The following DENND10 variants were observed in gnomAD, a reference collection of about 807,000 sequenced individuals.
DENND10 encodes the protein DENN domain containing 10.
A neutral mutation model predicts 43.6 loss-of-function variants in DENND10; 24 were observed. The observed-to-expected ratio is 0.55, with a 90% CI of 0.40 to 0.77. The LOEUF (loss-of-function observed/expected upper bound fraction) is 0.77, where lower values mean the gene tolerates loss of function less well. Ranked by LOEUF, DENND10 falls within the 30% of genes least tolerant of loss-of-function variation. DENND10 has a pLI of 0.00. For synonymous variants in DENND10, 125 were observed against 157.6 expected (o/e 0.79, Z 1.55); for missense variants, 303 against 429.9 (o/e 0.70, Z 2.61).
At chr10:119,136,070 C>G (rs1021651036) in intron 8 of DENND10, among the ~76,000 whole-genome samples, 1 of 152,070 alleles carries the variant, frequency 6.6e-6, no homozygotes, top group Non-Finnish European at 1.5e-5. Flanking sequence ...CCCAGCTACT[C>G]AGGAGGCTGA....
At chr10:119,115,405 T>TTTTTTTTTTTTTTTTTTA (rs869213007) in intron 3 of DENND10, among the ~76,000 whole-genome samples, 3 of 91,682 alleles carry the variant, frequency 3.3e-5, no homozygotes, top group Non-Finnish European at 6.8e-5. Context: ...TTTTTTTTTT[T>TTTTTTTTTTTTTTTTTTA]GAGACGGAGT....
chr10:119,108,699 G>C (rs1844823596), intron 2 of DENND10, among the ~76,000 whole-genome samples: 1 of 150,934 alleles, frequency 6.6e-6, no homozygotes, highest in Non-Finnish European at 1.5e-5. Context: ...CTGTTGGTCA[G>C]GCTGGAGTGC....
intron 3 of DENND10, among the ~76,000 whole-genome samples, chr10:119,115,768 T>TC (rs1281530209): frequency 6.7e-6 from 1 of 148,872 alleles, no homozygotes; most frequent in East Asian, 2.0e-4. Flanking sequence ...AGTGATCTTT[T>TC]TTTTTTTTTT....
rs766204030 is a variant in DENND10, at chr10:119,129,551, A to C, written c.731A>C (p.Asn244Thr). The C allele has an allele frequency of 3.1e-6, 5 of 1,613,970 alleles. No individual in the cohort carries two copies. The South Asian group carries it at 5.5e-5, about 18-fold the overall frequency. Residue 244 changes from asparagine (N) to threonine (T), a missense_variant, in exon 7 of 9, where the codon AAC becomes ACC. Transcript: ENST00000361432. The part of the protein sequence containing the change: ...VAGFVDLEVS[N>T]RPDLYDVFVN... ...GGATTTGTAGACTTGGAGGTGAGCA[A>C]CAGACCAGACCTCTATGATGTGTTT...
chr10:119,136,371 A>C, intron 8 of DENND10, 100 bp from the exon 9 acceptor site: 1 of 1,370,694 alleles, frequency 7.3e-7, no homozygotes, highest in African/African-American at 1.5e-5. Flanking sequence ...CATTTTTCAT[A>C]GTTTATAAAC....
chr10:119,112,072 G>T, intron 3 of DENND10, 144 bp downstream of exon 3: 1 of 626,614 alleles, frequency 1.6e-6, no homozygotes, highest in East Asian at 2.7e-5. Flanking sequence ...AGACTGTAAA[G>T]ACGGCCTTTC....
rs570506193 is a variant in DENND10 at position 119,131,227 on chromosome 10, G to C, written c.803-1288G>C. The stretch of plus-strand genomic sequence containing the variant: ...TAATCCCAGCACTTTGGGAGGCCAA[G>C]GCGGGTGGATCACGAGGTCAGGAGA... On this transcript the variant is annotated intron_variant, in intron 7 of 8. Transcript: ENST00000361432. Among the ~76,000 whole-genome samples the C allele has an allele frequency of 1.1e-3, 169 of 152,338 alleles. 4 individuals are homozygous for C. In the South Asian group the frequency reaches 0.034, roughly 30 times the overall value.
intron 3 of DENND10, among the ~76,000 whole-genome samples, chr10:119,115,405 T>TTTTTTTTTTTTTTTG (rs869213007): frequency 1.1e-5 from 1 of 91,638 alleles, no homozygotes; most frequent in African/African-American, 3.8e-5. Context: ...TTTTTTTTTT[T>TTTTTTTTTTTTTTTG]GAGACGGAGT....
At chr10:119,106,014 G>A (rs948657805) in intron 1 of DENND10, among the ~76,000 whole-genome samples, 13 of 152,152 alleles carry the variant, frequency 8.5e-5, no homozygotes, top group South Asian at 6.2e-4. Context: ...CCAATATAGC[G>A]AGACCCTGTC....
At position 119,136,937 on chromosome 10, in the gene DENND10, A is replaced by T. The variant is rs1846389872; in HGVS notation, c.*290A>T. 3 of 317,232 alleles carry T rather than the reference A, an allele frequency of 9.5e-6. No homozygotes were observed. The highest frequency in any genetic ancestry group is 2.2e-5 in the African/African-American group (1 of 46,158). The allele number at this position is 317,232 out of a possible 1,614,324, so 19.7% of individuals were successfully genotyped here. On this transcript the variant is annotated 3_prime_UTR_variant, in exon 9 of 9. Coordinates refer to ENST00000361432, the MANE Select transcript of DENND10 (RefSeq NM_207009.4). ...GGTCCTGGGGTAAGAGAAAAAAAGC[A>T]CATCACAACAAATGTGAAAGCCTTC...
chr10:119,117,929 T>C (rs967604437), intron 4 of DENND10, among the ~76,000 whole-genome samples: 4 of 151,304 alleles, frequency 2.6e-5, no homozygotes, highest in African/African-American at 9.7e-5. Context: ...ATTGTGCCAC[T>C]GCACTCCGGC....
chr10:119,108,452 C>G (rs529370758), intron 2 of DENND10, among the ~76,000 whole-genome samples: 1 of 145,324 alleles, frequency 6.9e-6, no homozygotes, highest in African/African-American at 2.6e-5. Context: ...CACTGCACTC[C>G]AGCCTGGCGA....
chr10:119,123,626 TGAGACGG>T, intron 6 of DENND10, 57 bp downstream of exon 6: 3 of 1,141,366 alleles, frequency 2.6e-6, no homozygotes, highest in Non-Finnish European at 3.8e-6. Context: ...TTTTTTTTCC[TGAGACGG>T]ATTTTCACTC....
chr10:119,124,928 A>G (rs894184181), intron 6 of DENND10, among the ~76,000 whole-genome samples: 1 of 152,090 alleles, frequency 6.6e-6, no homozygotes, highest in Non-Finnish European at 1.5e-5. Flanking sequence ...AAATTTAAAA[A>G]ATGCAACCTA....
chr10:119,131,996 G>A (rs1846109453), intron 7 of DENND10, among the ~76,000 whole-genome samples: 1 of 152,210 alleles, frequency 6.6e-6, no homozygotes, highest in Non-Finnish European at 1.5e-5. Context: ...AACCTCCTCA[G>A]TGCAGACAGT....
intron 8 of DENND10, chr10:119,134,569 T>C (rs1394167256): frequency 1.3e-5 from 2 of 150,814 alleles, no homozygotes; most frequent in Non-Finnish European, 2.9e-5. Flanking sequence ...GTCAGGCTGG[T>C]CTTGAACTTC....
At chr10:119,106,478 C>T (rs1208640278) in intron 1 of DENND10, among the ~76,000 whole-genome samples, 1 of 152,068 alleles carries the variant, frequency 6.6e-6, no homozygotes, top group Non-Finnish European at 1.5e-5. Context: ...GTAGCTGGGA[C>T]CATAGGCACA....
At position 119,129,596 on chromosome 10, in the gene DENND10, A is replaced by G. The variant is rs142202586; in HGVS notation, c.776A>G (p.Glu259Gly). The change falls in exon 7 of 9, where the codon GAG becomes GGG. Residue 259 changes from glutamate (E) to glycine (G), a missense_variant. Glu to Gly is a moderately conservative substitution (Grantham distance 98, BLOSUM62 -2). Transcript: ENST00000361432. ...GTGTTTGTGAATCTGGCAGAGAGTGAGATTACCATTGCTCCCCTTGCAAAA... is the reference window on the plus strand; with the variant it reads ...GTGTTTGTGAATCTGGCAGAGAGTGGGATTACCATTGCTCCCCTTGCAAAA... ...YDVFVNLAES[E>G]ITIAPLAKEA... 452 of 1,611,680 alleles carry G rather than the reference A, an allele frequency of 2.8e-4. 1 individual carries two copies. The highest frequency in any genetic ancestry group is 7.3e-5 in the Non-Finnish European group (86 of 1,177,882).
chr10:119,136,855 T>C lies in DENND10; in HGVS notation c.*208T>C, dbSNP rs560173146. The C allele has an allele frequency of 8.7e-4, 396 of 454,098 alleles. 1 individual carries two copies. Among genetic ancestry groups the C allele is most frequent in the African/African-American group, 7.1e-3 (356 of 49,962 alleles). 28.1% of individuals were successfully genotyped at this position (454,098 alleles called of 1,614,324 possible). ...CCTCGCTGATTAGCTTCCTGCCTGC[T>C]GTCAGTGCTGGACGAAGTGCTATAA... On this transcript the variant is annotated 3_prime_UTR_variant, in exon 9 of 9. Coordinates refer to ENST00000361432, the MANE Select transcript of DENND10 (RefSeq NM_207009.4).
Sources: allele counts gnomAD v4.1 joint callset (sites outside exome capture counted in the v4.1 genomes callset), GRCh38; gene constraint gnomAD v4.1.1; transcripts MANE v1.5; gene names NCBI Gene and HGNC (gene_info 2026-07-23, HGNC 2026-07-21).